WDR72: variants seen among roughly 807,000 people sequenced by gnomAD.
WDR72 encodes WD repeat-containing protein 72.
A neutral mutation model predicts 124.2 loss-of-function variants in WDR72; 120 were observed. The ratio of observed to expected loss-of-function variants is 0.97; its 90% confidence interval spans 0.83 to 1.12. The LOEUF is 1.12. Ranked by LOEUF, WDR72 falls within the 50% of genes most tolerant of loss-of-function variation. WDR72 has a pLI of 0.00. For missense variants in WDR72, 1,387 were observed against 1,278.8 expected (o/e 1.08, Z -1.29); for synonymous variants, 452 against 441.7 (o/e 1.02, Z -0.29).
chr15:53,579,809 G>C (rs2011818531), intron 18 of WDR72, among the ~76,000 whole-genome samples: 1 of 151,924 alleles, frequency 6.6e-6, no homozygotes, highest in African/African-American at 2.4e-5. Flanking sequence ...CACCCCTCCT[G>C]TCCCCTATAA....
intron 14 of WDR72, among the ~76,000 whole-genome samples, chr15:53,662,488 C>G (rs2015640564): frequency 6.6e-6 from 1 of 152,114 alleles, no homozygotes; most frequent in South Asian, 2.1e-4. Flanking sequence ...ACAGTTCATT[C>G]TATTGTTGGA....
intron 18 of WDR72, among the ~76,000 whole-genome samples, chr15:53,591,685 AACACACACACACACACACAC>A (rs67873847): frequency 0.057 from 8,535 of 148,976 alleles, 339 homozygotes; most frequent in African/African-American, 0.11. Flanking sequence ...CAACACACAC[AACACACACACACACACACAC>A]ACACACACAC....
At chr15:53,635,647 C>T (rs576580532) in intron 14 of WDR72, among the ~76,000 whole-genome samples, 14 of 151,910 alleles carry the variant, frequency 9.2e-5, no homozygotes, top group East Asian at 1.9e-4. Flanking sequence ...ACTGAGCACT[C>T]GTGGACATAA....
intron 14 of WDR72, among the ~76,000 whole-genome samples, chr15:53,622,619 A>T (rs1397216332): frequency 2.6e-5 from 4 of 151,980 alleles, no homozygotes; most frequent in African/African-American, 9.7e-5. Flanking sequence ...CAGTGGGGGC[A>T]GTCTGAGGAG....
chr15:53,582,980 A>G (rs567299928), intron 18 of WDR72, among the ~76,000 whole-genome samples: 3 of 152,124 alleles, frequency 2.0e-5, no homozygotes, highest in South Asian at 2.1e-4. Flanking sequence ...GAAAGGCCCA[A>G]ATGTAGCTAG....
chr15:53,669,402 G>C (rs569915967), intron 13 of WDR72, among the ~76,000 whole-genome samples: 1 of 152,158 alleles, frequency 6.6e-6, no homozygotes, highest in African/African-American at 2.4e-5. Flanking sequence ...GGTCTTTCTT[G>C]GTTTCTTGGT....
chr15:53,540,055 C>G (rs558192289), intron 18 of WDR72, among the ~76,000 whole-genome samples: 1 of 152,016 alleles, frequency 6.6e-6, no homozygotes, highest in African/African-American at 2.4e-5. Flanking sequence ...TTTCGTAATA[C>G]TAAAGACTGC....
chr15:53,673,545 A>C (rs1421058759), intron 13 of WDR72, among the ~76,000 whole-genome samples: 1 of 152,212 alleles, frequency 6.6e-6, no homozygotes, highest in African/African-American at 2.4e-5. Flanking sequence ...ATTTCTATAG[A>C]AACATAAAAT....
chr15:53,710,757 A>G, intron 9 of WDR72, 100 bp downstream of exon 9: 2 of 969,358 alleles, frequency 2.1e-6, no homozygotes, highest in Non-Finnish European at 1.6e-6. Flanking sequence ...GGATGCTTCA[A>G]TTCAATTTTT....
intron 18 of WDR72, among the ~76,000 whole-genome samples, chr15:53,561,361 C>T (rs1894118162): frequency 6.6e-6 from 1 of 151,556 alleles, no homozygotes; most frequent in Admixed American, 6.6e-5. Context: ...AAATTCATAT[C>T]CCAAATATAA....
intron 18 of WDR72, among the ~76,000 whole-genome samples, chr15:53,546,902 G>A (rs1343803723): frequency 1.3e-5 from 2 of 152,154 alleles, no homozygotes; most frequent in African/African-American, 2.4e-5. Context: ...GATTAAACAA[G>A]TAATTCTCTG....
intron 13 of WDR72, among the ~76,000 whole-genome samples, chr15:53,687,518 G>T (rs1192006821): frequency 6.6e-6 from 1 of 151,384 alleles, no homozygotes; most frequent in Non-Finnish European, 1.5e-5. Flanking sequence ...CCAGGAAGAA[G>T]TTGAATCTCT....
At chr15:53,751,520 T>C (rs1456485734) in intron 1 of WDR72, among the ~76,000 whole-genome samples, 5 of 152,192 alleles carry the variant, frequency 3.3e-5, no homozygotes, top group African/African-American at 1.2e-4. Flanking sequence ...TTAATAGGCT[T>C]TGATATGCAC....
chr15:53,527,665 AAGAT>A (rs1373008172), intron 18 of WDR72, among the ~76,000 whole-genome samples: 36 of 152,148 alleles, frequency 2.4e-4, no homozygotes, highest in African/African-American at 7.2e-4. Flanking sequence ...CATTAATTAA[AAGAT>A]AGAGCAGTTT....
intron 14 of WDR72, among the ~76,000 whole-genome samples, chr15:53,664,836 TTAA>T (rs1217993890): frequency 6.7e-6 from 1 of 148,322 alleles, no homozygotes; most frequent in Non-Finnish European, 1.5e-5. Flanking sequence ...AATGCAGCCA[TTAA>T]TAATAAAAGT....
chr15:53,702,408 C>A, intron 11 of WDR72, 54 bp from the exon 12 acceptor site: 3 of 1,432,028 alleles, frequency 2.1e-6, no homozygotes, highest in Non-Finnish European at 2.0e-6. Context: ...TTCAGAAAAT[C>A]GTCCCAAGAT....
intron 13 of WDR72, among the ~76,000 whole-genome samples, chr15:53,692,618 T>A (rs989874286): frequency 6.6e-6 from 1 of 152,118 alleles, no homozygotes; most frequent in Non-Finnish European, 1.5e-5. Flanking sequence ...ACTTAAGAGA[T>A]CAAATTTTGA....
intron 13 of WDR72, among the ~76,000 whole-genome samples, chr15:53,683,783 G>C (rs1013897407): frequency 3.3e-5 from 5 of 151,930 alleles, no homozygotes; most frequent in Admixed American, 2.0e-4. Context: ...TATATATATG[G>C]TCTGATTTTT....
At chr15:53,692,246 C>T (rs1030865582) in intron 13 of WDR72, among the ~76,000 whole-genome samples, 1 of 152,036 alleles carries the variant, frequency 6.6e-6, no homozygotes, top group South Asian at 2.1e-4. Flanking sequence ...ACAAGTTTTC[C>T]CTGATTACAC....
Sources: allele counts gnomAD v4.1 joint callset (sites outside exome capture counted in the v4.1 genomes callset), GRCh38; gene constraint gnomAD v4.1.1; transcripts MANE v1.5; gene names NCBI Gene and HGNC (gene_info 2026-07-23, HGNC 2026-07-21).